The following AKIRIN2 variants were observed in gnomAD, a reference collection of about 807,000 sequenced individuals.
AKIRIN2 encodes akirin-2.
A neutral mutation model predicts 29.3 loss-of-function variants in AKIRIN2; 6 were observed. The ratio of observed to expected loss-of-function variants is 0.20; its 90% confidence interval spans 0.11 to 0.40. AKIRIN2 has a LOEUF of 0.40. AKIRIN2 is among the 10% of genes least tolerant of loss of function. AKIRIN2 has a pLI of 1.00. For missense variants in AKIRIN2, 210 were observed against 276.1 expected, an observed-to-expected ratio of 0.76 and a Z score of 1.70; for synonymous variants, 128 against 117.5, an observed-to-expected ratio of 1.09 and a Z score of -0.58.
chr6:87,695,840 G>A (rs372031710), intron 1 of AKIRIN2, among the ~76,000 whole-genome samples: 62 of 152,164 alleles, frequency 4.1e-4, no homozygotes, highest in African/African-American at 1.4e-3. Flanking sequence ...CTTTCAAAAC[G>A]AAAGCTTTCT....
intron 1 of AKIRIN2, among the ~76,000 whole-genome samples, chr6:87,682,778 G>A (rs557255879): frequency 5.3e-5 from 8 of 152,050 alleles, no homozygotes; most frequent in Non-Finnish European, 7.4e-5. Context: ...ATTCTACAAT[G>A]ATGCATTAAT....
chr6:87,701,645 C>A lies in AKIRIN2; in HGVS notation c.40G>T (p.Asp14Tyr). ...GGGGACGCCGGGCTCAACAGCGGGT[C>A]GAAATCCAGAGTCCTTTTCAGAGTG... ...GATLKRTLDFDPLLSPASPKR... is the reference protein window; with the variant it reads ...GATLKRTLDFYPLLSPASPKR... Residue 14 changes from aspartate (D) to tyrosine (Y), a missense_variant, in exon 1 of 5, where the codon GAC becomes TAC. Asp to Tyr is a radical substitution (Grantham distance 160). Around this residue, in one of 2 missense-constraint regions of AKIRIN2, gnomAD observed 199 missense variants for 236.5 expected, o/e 0.84. Coordinates refer to ENST00000257787, the MANE Select transcript of AKIRIN2 (RefSeq NM_018064.4). 1.4e-6 allele frequency: 2 copies of A among 1,467,866 alleles called. No homozygotes were observed. Among genetic ancestry groups the A allele is most frequent in the Admixed American group, 2.6e-5 (1 of 37,918 alleles). 90.9% of individuals were successfully genotyped at this position (1,467,866 alleles called of 1,614,324 possible).
Position 87,681,727 on chromosome 6 carries a change from C to T in AKIRIN2, c.272G>A (p.Arg91Gln), listed in dbSNP as rs1771125524. The T allele has an allele frequency of 6.2e-7, 1 of 1,609,484 alleles. No individual in the cohort carries two copies. The highest frequency in any genetic ancestry group is 8.5e-7 in the Non-Finnish European group (1 of 1,177,288). The change falls in exon 2 of 5, where the codon CGA (arginine) becomes CAA (glutamine). Residue 91 changes from arginine (R) to glutamine (Q), a missense_variant. Transcript: ENST00000257787. ...TTCTAAATGTCTTCTCTTCTGCATTCGTTTATACTCTTGTTTTATGTTGTA... is the reference window on the plus strand; with the variant it reads ...TTCTAAATGTCTTCTCTTCTGCATTTGTTTATACTCTTGTTTTATGTTGTA... ...ILYNIKQEYK[R>Q]MQKRRHLETS...
intron 1 of AKIRIN2, among the ~76,000 whole-genome samples, chr6:87,701,176 A>G (rs960206926): frequency 5.9e-5 from 9 of 151,966 alleles, no homozygotes; most frequent in African/African-American, 2.2e-4. Context: ...CATTCGGCCC[A>G]AAGAAAAAGA....
chr6:87,676,255 A>G (rs564307731), intron 3 of AKIRIN2, among the ~76,000 whole-genome samples: 133 of 150,558 alleles, frequency 8.8e-4, no homozygotes, highest in South Asian at 1.9e-3. Context: ...ACAAGGTCAG[A>G]AGATCGAGAC....
At chr6:87,701,424 C>T (rs1317188919) in intron 1 of AKIRIN2, 26 bp downstream of exon 1, 3 of 1,531,114 alleles carry the variant, frequency 2.0e-6, no homozygotes, top group Non-Finnish European at 8.8e-7. Context: ...CTCCACTACC[C>T]CGGCGGCCGC....
chr6:87,681,188 C>T (rs982021818), intron 2 of AKIRIN2, among the ~76,000 whole-genome samples: 5 of 152,158 alleles, frequency 3.3e-5, no homozygotes, highest in Non-Finnish European at 7.3e-5. Context: ...CAGGCGCGTG[C>T]CACCACGCCC....
Position 87,684,944 on chromosome 6 carries a change from G to T in AKIRIN2, c.236-3181C>A, listed in dbSNP as rs537826187. 2.6e-5 allele frequency among the ~76,000 whole-genome samples: 4 copies of T among 152,208 alleles called. No individual in the cohort carries two copies. In the South Asian group the frequency reaches 8.3e-4, roughly 32 times the overall value. On this transcript the variant is annotated intron_variant, in intron 1 of 4. Coordinates refer to ENST00000257787, the MANE Select transcript of AKIRIN2 (RefSeq NM_018064.4). ...TATTTTGTTCTTACAAAATAAAATT[G>T]CTAAACCATTTTCCAGAGTGATTTT...
intron 1 of AKIRIN2, among the ~76,000 whole-genome samples, chr6:87,699,225 A>C (rs1191066193): frequency 6.6e-6 from 1 of 152,196 alleles, no homozygotes; most frequent in Non-Finnish European, 1.5e-5. Flanking sequence ...TAACATGAAA[A>C]CTGGGAAGCT....
chr6:87,677,780 CTG>C lies in AKIRIN2; in HGVS notation c.529+36_529+37del, dbSNP rs1771047127. ...CACGTGGAAAATGCATTTCACACAA[CTG>C]AGTTCCTCAGAAACTCTAATAAACA... On this transcript the variant is annotated intron_variant, in intron 3 of 4. Transcript: ENST00000257787. The C allele has an allele frequency of 7.5e-6, 12 of 1,596,954 alleles. No homozygotes were observed. In the South Asian group the frequency reaches 1.2e-4, roughly 16 times the overall value.
intron 1 of AKIRIN2, among the ~76,000 whole-genome samples, chr6:87,682,380 C>T (rs1309260638): frequency 6.6e-6 from 1 of 152,112 alleles, no homozygotes; most frequent in Non-Finnish European, 1.5e-5. Flanking sequence ...GAGGGGGAGA[C>T]CATGTAAAGT....
intron 1 of AKIRIN2, among the ~76,000 whole-genome samples, chr6:87,685,878 A>G (rs190333844): frequency 2.6e-4 from 39 of 152,352 alleles, no homozygotes; most frequent in South Asian, 4.1e-4. Context: ...GCAGGTAGGC[A>G]GTATCAACAG....
Position 87,675,325 on chromosome 6 carries a change from CA to C in AKIRIN2, c.*271del, listed in dbSNP as rs1770949903. 1 of 497,654 alleles carries C rather than the reference CA, an allele frequency of 2.0e-6. No individual in the cohort carries two copies. The highest frequency in any genetic ancestry group is 1.9e-5 in the African/African-American group (1 of 52,428). 30.8% of individuals were successfully genotyped at this position (497,654 alleles called of 1,614,324 possible). A position where few individuals can be genotyped will look rare whatever the true frequency, so the allele number is the denominator to read the frequency against. On this transcript the variant is annotated 3_prime_UTR_variant, in exon 5 of 5. Transcript: ENST00000257787. ...CTAGAATACCAGCTTTAATCCTTTT[CA>C]AACATTAATATAAGAAGCCAAATTG...
chr6:87,691,087 T>A (rs940549061), intron 1 of AKIRIN2, among the ~76,000 whole-genome samples: 2 of 152,144 alleles, frequency 1.3e-5, no homozygotes, highest in African/African-American at 4.8e-5. Context: ...TAAAAGTCAA[T>A]CGATTTCACA....
At chr6:87,697,307 GA>G (rs985898940) in intron 1 of AKIRIN2, among the ~76,000 whole-genome samples, 1,118 of 71,542 alleles carry the variant, frequency 0.016, 8 homozygotes, top group African/African-American at 0.038. Flanking sequence ...TTTGTCTCAA[GA>G]AAAAAAAAAA....
intron 1 of AKIRIN2, among the ~76,000 whole-genome samples, chr6:87,683,849 A>C (rs1771150907): frequency 6.6e-6 from 1 of 152,048 alleles, no homozygotes; most frequent in Non-Finnish European, 1.5e-5. Flanking sequence ...ACAGGGTTTC[A>C]CCACATTGGT....
chr6:87,676,352 A>G (rs1032191068), intron 3 of AKIRIN2, among the ~76,000 whole-genome samples: 2 of 148,252 alleles, frequency 1.3e-5, no homozygotes, highest in Non-Finnish European at 3.0e-5. Flanking sequence ...TGTAGTCCCA[A>G]CTACTCGGGA....
At position 87,701,889 on chromosome 6, in the gene AKIRIN2, C is replaced by T; in HGVS notation, c.-205G>A. ...CGGCAGGGGCAGTGGCCAGGGACGG[C>T]CCGGGTGAGAGCGGGAGGGGCGGTG... On this transcript the variant is annotated 5_prime_UTR_variant, in exon 1 of 5. Transcript: ENST00000257787. 1 of 423,354 alleles carries T rather than the reference C, an allele frequency of 2.4e-6. No individual in the cohort carries two copies. Among genetic ancestry groups the T allele is most frequent in the Non-Finnish European group, 4.2e-6 (1 of 240,532 alleles). The allele number at this position is 423,354 out of a possible 1,614,324, so 26.2% of individuals were successfully genotyped here.
At chr6:87,700,398 A>G (rs1261291398) in intron 1 of AKIRIN2, 2 of 152,204 alleles carry the variant, frequency 1.3e-5, no homozygotes, top group East Asian at 3.8e-4. Flanking sequence ...CTAAAGGGTG[A>G]TATTATTACT....
Sources: allele counts gnomAD v4.1 joint callset (sites outside exome capture counted in the v4.1 genomes callset), GRCh38; gene constraint gnomAD v4.1.1; regional missense constraint gnomAD v4.1.1; transcripts MANE v1.5; gene names NCBI Gene and HGNC (gene_info 2026-07-23, HGNC 2026-07-21).